The following CALD1 variants were observed in gnomAD, a reference collection of about 807,000 sequenced individuals.
CALD1 encodes caldesmon.
CALD1 carries 33 observed loss-of-function variants against 99.9 expected under a neutral mutation model. That is an observed-to-expected ratio of 0.33 (90% confidence interval 0.25 to 0.44). The LOEUF is 0.44. CALD1 is among the 20% of genes least tolerant of loss of function. The pLI is 1.00. For synonymous variants in CALD1, 310 were observed against 325.0 expected (o/e 0.95, Z 0.50); for missense variants, 861 against 962.1 (o/e 0.89, Z 1.39).
At chr7:134,868,051 T>G (rs537374740) in intron 3 of CALD1, 1 of 286,190 alleles carries the variant, frequency 3.5e-6, no homozygotes, top group Admixed American at 4.9e-5. Flanking sequence ...ATAATTGCAT[T>G]TAATCAATAC....
chr7:134,798,506 C>G (rs1047834577), intron 1 of CALD1, among the ~76,000 whole-genome samples: 3 of 152,210 alleles, frequency 2.0e-5, no homozygotes, highest in African/African-American at 7.2e-5. Context: ...TGCTGAAACT[C>G]TGTTCTTAAA....
intron 1 of CALD1, among the ~76,000 whole-genome samples, chr7:134,818,998 A>G (rs1447388639): frequency 1.3e-5 from 2 of 152,154 alleles, no homozygotes; most frequent in East Asian, 3.8e-4. Flanking sequence ...GGAAAATCCA[A>G]ATTGGCCACG....
At chr7:134,884,905 GTA>G in intron 3 of CALD1, among the ~76,000 whole-genome samples, 1 of 152,208 alleles carries the variant, frequency 6.6e-6, no homozygotes, top group South Asian at 2.1e-4. Flanking sequence ...ATAAGACTGT[GTA>G]TTTGTATTTA....
At chr7:134,795,397 T>A (rs2131803508) in intron 1 of CALD1, among the ~76,000 whole-genome samples, 1 of 152,302 alleles carries the variant, frequency 6.6e-6, no homozygotes. Flanking sequence ...AGACATGATT[T>A]TGTTCCTAAT....
chr7:134,957,712 C>G (rs907739879), intron 9 of CALD1, among the ~76,000 whole-genome samples: 2 of 152,188 alleles, frequency 1.3e-5, no homozygotes, highest in Admixed American at 1.3e-4. Context: ...TGAGCCTCAG[C>G]GCTCAGCCAA....
intron 13 of CALD1, chr7:134,962,097 A>T (rs1808311647): frequency 6.6e-6 from 1 of 152,152 alleles, no homozygotes; most frequent in Non-Finnish European, 1.5e-5. Context: ...TATTTGGAGG[A>T]GATGCTAATT....
intron 1 of CALD1, among the ~76,000 whole-genome samples, chr7:134,808,384 A>G (rs1446502085): frequency 6.6e-6 from 1 of 152,162 alleles, no homozygotes; most frequent in African/African-American, 2.4e-5. Context: ...CTGAGATTAC[A>G]GGCATGAGCC....
At chr7:134,803,169 TGAAC>T (rs1278483095) in intron 1 of CALD1, among the ~76,000 whole-genome samples, 3 of 152,210 alleles carry the variant, frequency 2.0e-5, no homozygotes, top group Non-Finnish European at 4.4e-5. Flanking sequence ...TTGTTCTTAT[TGAAC>T]ATATGTATAT....
At position 134,880,382 on chromosome 7, in the gene CALD1, G is replaced by A. The variant is rs1471000891; in HGVS notation, c.71+12578G>A. 3.3e-5 allele frequency among the ~76,000 whole-genome samples: 5 copies of A among 152,300 alleles called. No individual in the cohort carries two copies. The East Asian group carries it at 7.7e-4, about 23-fold the overall frequency. ...TACACTGTTGGAAGGTTTTCTGGAG[G>A]TGGGGGGAGACTCAAGAGACTAATA... On this transcript the variant is annotated intron_variant, in intron 3 of 14. Transcript: ENST00000361675.
intron 1 of CALD1, among the ~76,000 whole-genome samples, chr7:134,820,549 G>GA (rs1798735583): frequency 6.6e-6 from 1 of 152,270 alleles, no homozygotes; most frequent in African/African-American, 2.4e-5. Context: ...ATTACAAGGA[G>GA]AAAAATCATT....
intron 1 of CALD1, among the ~76,000 whole-genome samples, chr7:134,807,362 T>A (rs1350091248): frequency 1.3e-5 from 2 of 152,150 alleles, no homozygotes; most frequent in Non-Finnish European, 2.9e-5. Context: ...TTTCTATTTT[T>A]CCCTATCAGT....
At chr7:134,729,366 G>A in the CALD1 span, among the ~76,000 whole-genome samples, 8 of 152,220 alleles carry the variant, frequency 5.3e-5, no homozygotes, top group African/African-American at 1.9e-4. Context: ...AGTAAATGGT[G>A]GAGCTGGGAC....
At chr7:134,723,658 C>T in the CALD1 span, among the ~76,000 whole-genome samples, 4 of 142,166 alleles carry the variant, frequency 2.8e-5, no homozygotes, top group African/African-American at 5.2e-5. Context: ...TCTTAGAGAA[C>T]ATGTGGCATG....
At chr7:134,739,279 G>C (rs933832149), upstream of CALD1, among the ~76,000 whole-genome samples, 3 of 152,198 alleles carry the variant, frequency 2.0e-5, no homozygotes, top group African/African-American at 7.2e-5. Context: ...AGTCTCTTAA[G>C]CCTAGCAATT....
At chr7:134,845,629 A>G (rs1295588578) in intron 2 of CALD1, among the ~76,000 whole-genome samples, 1 of 152,206 alleles carries the variant, frequency 6.6e-6, no homozygotes, top group African/African-American at 2.4e-5. Flanking sequence ...CTAGAAAACA[A>G]TGCATATGCA....
Position 134,760,233 on chromosome 7 carries a change from T to C in CALD1, c.-130+15870T>C, listed in dbSNP as rs889851060. On this transcript the variant is annotated intron_variant, in intron 1 of 13. Transcript: ENST00000417172. ...ACCCTGAGTGTGGTAGGAAATCAAATGTGAGTTTTCAATAGGGAGGTAGCA... is the reference window on the plus strand; with the variant it reads ...ACCCTGAGTGTGGTAGGAAATCAAACGTGAGTTTTCAATAGGGAGGTAGCA... Among the ~76,000 whole-genome samples, 4 of 152,188 alleles carry C rather than the reference T, an allele frequency of 2.6e-5. No homozygotes were observed. The South Asian group carries it at 8.3e-4, about 31-fold the overall frequency.
the CALD1 span, among the ~76,000 whole-genome samples, chr7:134,729,358 TA>T: frequency 1.3e-5 from 2 of 152,110 alleles, no homozygotes; most frequent in Non-Finnish European, 2.9e-5. Flanking sequence ...ACCCAGCTAG[TA>T]AATGGTGGAG....
intron 3 of CALD1, among the ~76,000 whole-genome samples, 179 bp from the exon 4 acceptor site, chr7:134,928,575 A>G (rs1359056624): frequency 1.3e-5 from 2 of 152,286 alleles, no homozygotes; most frequent in South Asian, 2.1e-4. Context: ...CAAATAGTTA[A>G]AAGTTTGAAA....
chr7:134,791,989 C>T (rs984925716), intron 1 of CALD1, among the ~76,000 whole-genome samples: 2 of 152,188 alleles, frequency 1.3e-5, no homozygotes, highest in Non-Finnish European at 2.9e-5. Context: ...CAACTGCCGC[C>T]GTGATTCAGT....
Sources: allele counts gnomAD v4.1 joint callset (sites outside exome capture counted in the v4.1 genomes callset), GRCh38; gene constraint gnomAD v4.1.1; transcripts MANE v1.5; gene names NCBI Gene and HGNC (gene_info 2026-07-23, HGNC 2026-07-21).